ZC3H12B: variants seen among roughly 807,000 people sequenced by gnomAD.
ZC3H12B encodes the protein probable ribonuclease ZC3H12B.
ZC3H12B carries 7 observed loss-of-function variants against 43.9 expected under a neutral mutation model. That is an observed-to-expected ratio of 0.16 (90% CI 0.09 to 0.30). The LOEUF is 0.30. Among genes scored for constraint, ZC3H12B ranks in the 10% least tolerant of loss-of-function variants. The pLI, the probability that ZC3H12B is intolerant of heterozygous loss-of-function variation, is 1.00. For synonymous variants in ZC3H12B, 222 were observed against 241.7 expected (o/e 0.92, Z 0.76); for missense variants, 475 against 670.2 (o/e 0.71, Z 3.22).
chrX:65,217,137 A>G, the ZC3H12B span, among the ~76,000 whole-genome samples: 1 of 111,889 alleles, frequency 8.9e-6, no homozygotes, highest in South Asian at 3.7e-4. Context: ...GATGGAAAAA[A>G]GCAAAACTTT....
At chrX:65,387,274 T>A (rs2066541024) in intron 2 of ZC3H12B, among the ~76,000 whole-genome samples, 1 of 111,330 alleles carries the variant, frequency 9.0e-6, no homozygotes, top group Non-Finnish European at 1.9e-5. Context: ...TGTGTGGGAG[T>A]CTAAGTCTGT....
the ZC3H12B span, among the ~76,000 whole-genome samples, chrX:65,174,182 C>T: frequency 9.0e-6 from 1 of 111,697 alleles, no homozygotes; most frequent in Non-Finnish European, 1.9e-5. Flanking sequence ...CTGTTGACCC[C>T]TGCTGGGAGG....
At chrX:65,253,247 A>C in the ZC3H12B span, among the ~76,000 whole-genome samples, 1 of 112,308 alleles carries the variant, frequency 8.9e-6, no homozygotes, top group African/African-American at 3.2e-5. Flanking sequence ...AGAAGGAAGC[A>C]GGGAACCCTG....
At chrX:65,224,261 C>T in the ZC3H12B span, among the ~76,000 whole-genome samples, 1 of 112,541 alleles carries the variant, frequency 8.9e-6, no homozygotes, top group Non-Finnish European at 1.9e-5. Flanking sequence ...GATGCAAAGA[C>T]ATAGGAATGA....
At chrX:65,176,492 T>A in the ZC3H12B span, among the ~76,000 whole-genome samples, 280 of 111,698 alleles carry the variant, frequency 2.5e-3, 1 homozygote, top group South Asian at 0.014. Flanking sequence ...GCCTGGCAGC[T>A]CTGAAGAGAG....
intron 3 of ZC3H12B, among the ~76,000 whole-genome samples, chrX:65,470,984 T>G (rs1280428782): frequency 1.8e-5 from 2 of 111,905 alleles, no homozygotes; most frequent in Non-Finnish European, 3.8e-5. Context: ...CATGTGCTGA[T>G]GAGAAGAATG....
chrX:65,237,238 AGTTTGTTTGTTT>A, the ZC3H12B span, among the ~76,000 whole-genome samples: 5 of 109,942 alleles, frequency 4.5e-5, no homozygotes, highest in Admixed American at 2.9e-4. Context: ...AGTGGTTTGT[AGTTTGTTTGTTT>A]GTTTGTTTGT....
the ZC3H12B span, among the ~76,000 whole-genome samples, chrX:65,361,470 A>C: frequency 8.9e-6 from 1 of 112,434 alleles, no homozygotes; most frequent in Non-Finnish European, 1.9e-5. Context: ...ACATATCTTT[A>C]TTGTTAGAAA....
the ZC3H12B span, among the ~76,000 whole-genome samples, chrX:65,358,820 C>A: frequency 1.8e-5 from 2 of 111,350 alleles, no homozygotes; most frequent in Admixed American, 9.5e-5. Context: ...AGAAGGCAAG[C>A]TTTTCAACAG....
chrX:65,289,061 A>T, the ZC3H12B span, among the ~76,000 whole-genome samples: 2 of 110,988 alleles, frequency 1.8e-5, no homozygotes. Context: ...TGCAAGGAAA[A>T]CTACAAAATA....
the ZC3H12B span, among the ~76,000 whole-genome samples, chrX:65,323,951 T>C: frequency 8.9e-6 from 1 of 112,533 alleles, no homozygotes; most frequent in African/African-American, 3.2e-5. Flanking sequence ...CCAGTGATGA[T>C]GAGCTTTTCT....
the ZC3H12B span, among the ~76,000 whole-genome samples, chrX:65,115,440 TTATC>T: frequency 1.8e-5 from 2 of 111,876 alleles, no homozygotes; most frequent in African/African-American, 3.2e-5. Context: ...CACATTTTCT[TTATC>T]TACTCATTGA....
the ZC3H12B span, among the ~76,000 whole-genome samples, chrX:65,193,137 C>A: frequency 1.0e-5 from 1 of 99,285 alleles, no homozygotes; most frequent in Non-Finnish European, 2.0e-5. Flanking sequence ...TTTAATGTGT[C>A]TTTATCTGGT....
At chrX:65,313,422 G>A in the ZC3H12B span, among the ~76,000 whole-genome samples, 30 of 112,032 alleles carry the variant, frequency 2.7e-4, no homozygotes, top group African/African-American at 9.7e-4. Flanking sequence ...TCTTAATTTT[G>A]TGTGTGACCC....
chrX:65,420,558 C>T (rs745369400), intron 3 of ZC3H12B, among the ~76,000 whole-genome samples: 5 of 111,861 alleles, frequency 4.5e-5, no homozygotes, highest in Non-Finnish European at 9.4e-5. Flanking sequence ...GGATTACGAA[C>T]AGTAAGGGAC....
chrX:65,357,238 G>A, the ZC3H12B span: 37 of 372,713 alleles, frequency 9.9e-5, no homozygotes, highest in East Asian at 1.6e-3. Context: ...TATCCAGGCA[G>A]TTTGCAAAAA....
intron 3 of ZC3H12B, among the ~76,000 whole-genome samples, chrX:65,443,868 T>C (rs2067339029): frequency 8.9e-6 from 1 of 112,750 alleles, no homozygotes; most frequent in Non-Finnish European, 1.9e-5. Flanking sequence ...TCTATTTCCA[T>C]CATTTTATTT....
At chrX:65,343,138 G>C in the ZC3H12B span, among the ~76,000 whole-genome samples, 1 of 111,038 alleles carries the variant, frequency 9.0e-6, no homozygotes, top group South Asian at 3.8e-4. Context: ...TCCCTCAAGA[G>C]ACCAATAATA....
the ZC3H12B span, among the ~76,000 whole-genome samples, chrX:65,055,331 C>G: frequency 8.9e-6 from 1 of 111,830 alleles, no homozygotes; most frequent in Non-Finnish European, 1.9e-5. Context: ...TTTTCTGCAT[C>G]TATCGAGATA....
Sources: gnomAD v4.1 joint callset for allele counts (sites outside exome capture counted in the v4.1 genomes callset) on GRCh38, gnomAD v4.1.1 for gene constraint, MANE v1.5 for transcripts, NCBI Gene and HGNC (gene_info 2026-07-23, HGNC 2026-07-21) for gene names.